ANKRD31: variants seen among roughly 807,000 people sequenced by gnomAD.
The protein encoded by ANKRD31 is ankyrin repeat domain 31.
In ANKRD31, 147 loss-of-function variants were observed where a neutral mutation model predicts 186.0. The ratio of observed to expected loss-of-function variants is 0.79; its 90% CI spans 0.69 to 0.91. ANKRD31 has a LOEUF of 0.91. ANKRD31 is among the 40% of genes least tolerant of loss of function. The pLI is 0.00. For synonymous variants in ANKRD31, 673 were observed against 736.4 expected (o/e 0.91, Z 1.39); for missense variants, 1,986 against 2,148.8 (o/e 0.92, Z 1.50).
chr5:75,093,987 T>C (rs1428100602), intron 22 of ANKRD31, among the ~76,000 whole-genome samples: 1 of 152,218 alleles, frequency 6.6e-6, no homozygotes, highest in Non-Finnish European at 1.5e-5. Flanking sequence ...AAGGTAATTA[T>C]GTATTATAAA....
Position 75,080,565 on chromosome 5 carries a change from TACC to T in ANKRD31, c.5647_5647+2del. 6.6e-7 allele frequency: 1 copy of T among 1,521,404 alleles called. No individual in the cohort carries two copies. The highest frequency in any genetic ancestry group is 8.8e-7 in the Non-Finnish European group (1 of 1,136,402). The allele number at this position is 1,521,404 out of a possible 1,614,324, so 94.2% of individuals were successfully genotyped here. A position where few individuals can be genotyped will look rare whatever the true frequency, so the allele number is the denominator to read the frequency against. ...GGAATTGAATATTTTCTTTTTTTTT[TACC>T]TTGTCCAAATTTTGTTTTCTCAAAC... On this transcript the variant is annotated splice_donor_variant and coding_sequence_variant, in exon 25 of 26. Transcript: ENST00000506364. LOFTEE classifies it high-confidence loss of function.
intron 2 of ANKRD31, among the ~76,000 whole-genome samples, chr5:75,224,711 T>G (rs1028560300): frequency 1.3e-5 from 2 of 152,106 alleles, no homozygotes; most frequent in African/African-American, 4.8e-5. Flanking sequence ...AAATGTATCT[T>G]TATGGTTTTG....
chr5:75,219,928 G>C (rs1386816672), intron 3 of ANKRD31, among the ~76,000 whole-genome samples: 1 of 152,174 alleles, frequency 6.6e-6, no homozygotes, highest in Non-Finnish European at 1.5e-5. Context: ...GGGATAACTG[G>C]CTAGCTATAT....
rs193065734 is a variant in ANKRD31 at position 75,095,935 on chromosome 5, G to T, written c.5332-4534C>A. ...TACTATATAGATCAAACAGGCAGAA[G>T]ATCAGTGAGGAAAAAGAAGACTTTA... On this transcript the variant is annotated intron_variant, in intron 22 of 25. Transcript: ENST00000506364. 2.4e-4 allele frequency among the ~76,000 whole-genome samples: 37 copies of T among 152,236 alleles called. 1 individual carries two copies. The Middle Eastern group carries it at 0.014, about 56-fold the overall frequency.
chr5:75,216,509 T>G (rs1164457007), intron 3 of ANKRD31, among the ~76,000 whole-genome samples: 1 of 152,188 alleles, frequency 6.6e-6, no homozygotes. Flanking sequence ...AAATATTACT[T>G]TTTCTGAACT....
At chr5:75,090,049 T>C (rs138898492) in intron 23 of ANKRD31, among the ~76,000 whole-genome samples, 36 of 152,372 alleles carry the variant, frequency 2.4e-4, no homozygotes, top group African/African-American at 7.5e-4. Context: ...TTCAGTATGC[T>C]ATCTGTCCTG....
intron 10 of ANKRD31, among the ~76,000 whole-genome samples, chr5:75,178,902 A>G (rs1490128615): frequency 6.6e-6 from 1 of 152,152 alleles, no homozygotes; most frequent in Non-Finnish European, 1.5e-5. Flanking sequence ...AACTGAAGGA[A>G]ATAGAGACAC....
rs1745900654 is a variant in ANKRD31, at chr5:75,091,272, C to T, written c.5461G>A (p.Ala1821Thr). The T allele has an allele frequency of 2.0e-6, 3 of 1,536,184 alleles. No homozygotes were observed. The highest frequency in any genetic ancestry group is 2.6e-6 in the Non-Finnish European group (3 of 1,146,634). Residue 1821 changes from alanine (A) to threonine (T), a missense_variant, in exon 23 of 26, where the codon GCT becomes ACT. Coordinates refer to ENST00000506364, the MANE Select transcript of ANKRD31 (RefSeq NM_001372053.1). ...TAAGAATGACCCACCTTACTCCAAG[C>T]ATAATTCCAGGTCACATAACTGTTG... ...GGNSYVTWNY[A>T]WSKVTYLGKE... is the part of the protein sequence containing the mutation.
intron 5 of ANKRD31, among the ~76,000 whole-genome samples, chr5:75,201,813 TA>T (rs1002439434): frequency 1.3e-5 from 2 of 152,160 alleles, no homozygotes; most frequent in African/African-American, 4.8e-5. Context: ...TAAGTCTGTT[TA>T]AAAAAATTTA....
At chr5:75,196,614 G>C (rs1296960036) in intron 6 of ANKRD31, among the ~76,000 whole-genome samples, 3 of 152,086 alleles carry the variant, frequency 2.0e-5, no homozygotes, top group African/African-American at 7.2e-5. Flanking sequence ...TTATTAACTA[G>C]GAATAAAATT....
At position 75,193,353 on chromosome 5, in the gene ANKRD31, C is replaced by A. The variant is rs371329708; in HGVS notation, c.1256G>T (p.Cys419Phe). 2 of 1,536,876 alleles carry A rather than the reference C, an allele frequency of 1.3e-6. No homozygotes were observed. The highest frequency in any genetic ancestry group is 1.7e-6 in the Non-Finnish European group (2 of 1,146,682). ...AGAGTTATTATTTGTTAGGTCCTCA[C>A]AGCCAAGGATTTTTGGTAAAATCTT... ...PEKILPKILG[C>F]EDLTNNNSSA... Residue 419 changes from cysteine to phenylalanine, a missense_variant, in exon 8 of 26, where the codon TGT becomes TTT. Coordinates refer to ENST00000506364, the MANE Select transcript of ANKRD31 (RefSeq NM_001372053.1).
At chr5:75,157,270 A>G (rs370770336) in intron 11 of ANKRD31, among the ~76,000 whole-genome samples, 1 of 152,202 alleles carries the variant, frequency 6.6e-6, no homozygotes, top group African/African-American at 2.4e-5. Context: ...CTTGCTATAC[A>G]GTACCAGAAA....
Position 75,146,735 on chromosome 5 carries a change from G to A in ANKRD31, c.2676C>T (p.Ser892=). 1 of 1,536,166 alleles carries A rather than the reference G, an allele frequency of 6.5e-7. No homozygotes were observed. Among genetic ancestry groups the A allele is most frequent in the South Asian group, 1.2e-5 (1 of 84,024 alleles). The change falls in exon 14 of 26, where the codon TCC becomes TCT. Residue 892 remains serine (S), a synonymous_variant. Coordinates refer to ENST00000506364, the MANE Select transcript of ANKRD31 (RefSeq NM_001372053.1). ...RFNKWENSFL[S]FVKENSDNDD... ...CATTATCAGAATTTTCCTTTACAAA[G>A]GATAGGAAAGAATTTTCCCATTTGT...
At chr5:75,192,240 A>T (rs1252580822) in intron 9 of ANKRD31, among the ~76,000 whole-genome samples, 1 of 152,140 alleles carries the variant, frequency 6.6e-6, no homozygotes, top group Non-Finnish European at 1.5e-5. Flanking sequence ...TTTTTAAACA[A>T]TGTTTCTAGA....
At position 75,112,602 on chromosome 5, in the gene ANKRD31, T is replaced by C. The variant is rs1183308770; in HGVS notation, c.4156-2A>G. On this transcript the variant is annotated splice_acceptor_variant, in intron 19 of 25. Transcript: ENST00000506364. LOFTEE classifies it high-confidence loss of function. ...TAGAATGGCACTGAGGGTCTGATGC[T>C]ATCAGATAAAAATATTTGAAACTTC... The C allele has an allele frequency of 2.0e-6, 3 of 1,498,462 alleles. No homozygotes were observed. The highest frequency in any genetic ancestry group is 2.7e-6 in the Non-Finnish European group (3 of 1,122,130). The allele number at this position is 1,498,462 out of a possible 1,614,324, so 92.8% of individuals were successfully genotyped here.
At chr5:75,142,961 T>A (rs1223561412) in intron 15 of ANKRD31, among the ~76,000 whole-genome samples, 3 of 152,176 alleles carry the variant, frequency 2.0e-5, no homozygotes, top group African/African-American at 7.2e-5. Context: ...ACAAACTGGG[T>A]GACTTAAAAC....
rs1754758925 is a variant in ANKRD31, at chr5:75,186,995, GT to G, written c.1564+1497del. Among the ~76,000 whole-genome samples, 3 of 150,756 alleles carry G rather than the reference GT, an allele frequency of 2.0e-5. No individual in the cohort carries two copies. The South Asian group carries it at 6.2e-4, about 31-fold the overall frequency. On this transcript the variant is annotated intron_variant, in intron 10 of 25. Transcript: ENST00000506364. ...CGATAGAGGTCATATAGCTGAGAGA[GT>G]GAGTGTGTGTGTGTATGAGACACAG...
At chr5:75,224,139 ATATATATATATATATATATATG>A (rs1262540005) in intron 2 of ANKRD31, among the ~76,000 whole-genome samples, 931 of 63,580 alleles carry the variant, frequency 0.015, 33 homozygotes, top group African/African-American at 0.096. Flanking sequence ...TTATATATAT[ATATATATATATATATATATATG>A]TATATATATA....
chr5:75,091,176 A>G (rs1745893493), intron 23 of ANKRD31, 85 bp downstream of exon 23: 1 of 1,420,848 alleles, frequency 7.0e-7, no homozygotes, highest in African/African-American at 1.4e-5. Context: ...GATCTTTCAG[A>G]TTTCCTTAAA....
Sources: allele counts gnomAD v4.1 joint callset (sites outside exome capture counted in the v4.1 genomes callset), GRCh38; gene constraint gnomAD v4.1.1; transcripts MANE v1.5; gene names NCBI Gene and HGNC (gene_info 2026-07-23, HGNC 2026-07-21).